Variants in SYN3 observed in about 807,000 individuals in gnomAD.
SYN3 encodes the protein synapsin-3.
In SYN3, 35 loss-of-function variants were observed where a neutral mutation model predicts 65.8. That is an observed-to-expected ratio of 0.53 (90% CI 0.41 to 0.70). The LOEUF (loss-of-function observed/expected upper bound fraction) is 0.70. Ranked by LOEUF, SYN3 falls within the 30% of genes least tolerant of loss-of-function variation. The pLI, the probability that SYN3 is intolerant of heterozygous loss-of-function variation, is 0.00. For synonymous variants in SYN3, 270 were observed against 292.9 expected, an observed-to-expected ratio of 0.92 and a Z score of 0.80; for missense variants, 680 against 749.0, an observed-to-expected ratio of 0.91 and a Z score of 1.08.
At chr22:32,538,960 G>C (rs551389293) in intron 8 of SYN3, among the ~76,000 whole-genome samples, 2 of 152,252 alleles carry the variant, frequency 1.3e-5, no homozygotes, top group East Asian at 3.9e-4. Flanking sequence ...TAGGTGCCCA[G>C]TAGGCACCTA....
At chr22:32,534,798 C>A (rs2058136370) in intron 9 of SYN3, among the ~76,000 whole-genome samples, 1 of 152,138 alleles carries the variant, frequency 6.6e-6, no homozygotes, top group Non-Finnish European at 1.5e-5. Context: ...CTGGAATGCT[C>A]TTAGAATGGA....
At chr22:33,057,177 C>T (rs780536252) in intron 1 of SYN3, among the ~76,000 whole-genome samples, 7 of 152,174 alleles carry the variant, frequency 4.6e-5, no homozygotes, top group Admixed American at 1.3e-4. Context: ...TCTGATGCTC[C>T]GGCCTCCATC....
chr22:32,957,008 G>A (rs1458562896), intron 3 of SYN3, among the ~76,000 whole-genome samples: 1 of 152,148 alleles, frequency 6.6e-6, no homozygotes, highest in African/African-American at 2.4e-5. Context: ...GAGTAAGCCA[G>A]GAAAATAGGG....
intron 1 of SYN3, among the ~76,000 whole-genome samples, chr22:33,008,416 T>C (rs2053252946): frequency 6.6e-6 from 1 of 152,378 alleles, no homozygotes; most frequent in East Asian, 1.9e-4. Flanking sequence ...AATACTCTTC[T>C]GATGCATGTC....
At chr22:32,642,919 G>C (rs2146895009) in intron 6 of SYN3, among the ~76,000 whole-genome samples, 1 of 152,242 alleles carries the variant, frequency 6.6e-6, no homozygotes, top group South Asian at 2.1e-4. Flanking sequence ...CTCAATATAT[G>C]ATGAGTTATT....
intron 6 of SYN3, among the ~76,000 whole-genome samples, chr22:32,681,513 T>G (rs1203511966): frequency 6.6e-6 from 1 of 152,234 alleles, no homozygotes; most frequent in African/African-American, 2.4e-5. Context: ...ATTTACCATA[T>G]GAGAAAACCA....
chr22:32,780,959 T>TCCCTTCCTTCCTTCCC (rs2046036634), intron 6 of SYN3, among the ~76,000 whole-genome samples: 2 of 83,820 alleles, frequency 2.4e-5, no homozygotes, highest in Non-Finnish European at 5.3e-5. Context: ...CCTTCCTTCC[T>TCCCTTCCTTCCTTCCC]TCCTTCCTTC....
chr22:32,982,421 T>A lies in SYN3; in HGVS notation c.312-1719A>T, dbSNP rs140598743. 2.3e-3 allele frequency among the ~76,000 whole-genome samples: 350 copies of A among 152,150 alleles called. 1 individual carries two copies. The highest frequency in any genetic ancestry group is 4.4e-3 in the South Asian group (21 of 4,810). ...CCATCATCAGTACATGACATCCCTATCTACCCATTGTTTAGACATCATCCC... is the reference window on the plus strand; with the variant it reads ...CCATCATCAGTACATGACATCCCTAACTACCCATTGTTTAGACATCATCCC... On this transcript the variant is annotated intron_variant, in intron 2 of 13. Transcript: ENST00000358763.
chr22:32,946,003 T>C (rs998432455), intron 3 of SYN3, among the ~76,000 whole-genome samples: 100 of 152,260 alleles, frequency 6.6e-4, no homozygotes, highest in African/African-American at 2.3e-3. Flanking sequence ...TACCATCTCA[T>C]ACCAGTTAGA....
chr22:32,636,401 C>CAAAA (rs57388108), intron 6 of SYN3, among the ~76,000 whole-genome samples: 2 of 101,666 alleles, frequency 2.0e-5, no homozygotes, highest in Non-Finnish European at 4.5e-5. Flanking sequence ...GACTCCATCT[C>CAAAA]AAAAAAAAAA....
chr22:32,610,289 C>A (rs1278461136), intron 6 of SYN3, among the ~76,000 whole-genome samples: 7 of 151,858 alleles, frequency 4.6e-5, no homozygotes, highest in Admixed American at 2.6e-4. Context: ...CCCCTGCCCC[C>A]CCCAAAAAAA....
chr22:32,730,761 C>T (rs879511258), intron 6 of SYN3, among the ~76,000 whole-genome samples: 1 of 152,182 alleles, frequency 6.6e-6, no homozygotes, highest in Non-Finnish European at 1.5e-5. Context: ...AGAACTAATA[C>T]AGATCTCAAA....
intron 6 of SYN3, among the ~76,000 whole-genome samples, chr22:32,688,333 G>A (rs561273183): frequency 6.6e-6 from 1 of 152,284 alleles, no homozygotes; most frequent in Admixed American, 6.5e-5. Context: ...TCTACTGGCT[G>A]GGTGAACAGT....
chr22:32,813,466 T>C (rs1249996617), intron 6 of SYN3, among the ~76,000 whole-genome samples: 1 of 147,580 alleles, frequency 6.8e-6, no homozygotes. Flanking sequence ...AAATTTTTAA[T>C]GTAACATCTT....
rs868397130 is a variant in SYN3 at position 32,643,563 on chromosome 22, G to C, written c.712-46827C>G. ...ATTAGAAATGGTGGGGGGGCGGGGGGGGCAGAACAGACCCATAAAGGAAAA... is the reference window on the plus strand; with the variant it reads ...ATTAGAAATGGTGGGGGGGCGGGGGCGGCAGAACAGACCCATAAAGGAAAA... On this transcript the variant is annotated intron_variant, in intron 6 of 13. Transcript: ENST00000358763. Among the ~76,000 whole-genome samples, 3 of 112,362 alleles carry C rather than the reference G, an allele frequency of 2.7e-5. 1 individual carries two copies. The highest frequency in any genetic ancestry group is 5.5e-5 in the Non-Finnish European group (3 of 54,746). The allele number at this position is 112,362 out of a possible 152,430, so 73.7% of individuals were successfully genotyped here. A position where few individuals can be genotyped will look rare whatever the true frequency, so the allele number is the denominator to read the frequency against.
chr22:32,722,534 T>G (rs910371598), intron 6 of SYN3, among the ~76,000 whole-genome samples: 1 of 152,234 alleles, frequency 6.6e-6, no homozygotes, highest in Middle Eastern at 3.4e-3. Context: ...AGAGTTCTGT[T>G]TGGGTGGATT....
In SYN3 at chr22:32,666,849, C is replaced by T. The variant is rs1201639548; in HGVS notation, c.712-70113G>A. Among the ~76,000 whole-genome samples the T allele has an allele frequency of 7.2e-5, 11 of 152,260 alleles. 1 individual carries two copies. The highest frequency in any genetic ancestry group is 2.1e-4 in the South Asian group (1 of 4,820). ...TTGCGGTGGGCTGTGGTCTAGGTAA[C>T]GTGATGGCCAAGGATTTACCAAGGA... On this transcript the variant is annotated intron_variant, in intron 6 of 13. Coordinates refer to ENST00000358763, the MANE Select transcript of SYN3 (RefSeq NM_003490.4).
At chr22:32,710,109 G>A (rs201068329) in intron 6 of SYN3, among the ~76,000 whole-genome samples, 34 of 91,802 alleles carry the variant, frequency 3.7e-4, no homozygotes, top group African/African-American at 1.3e-3. Context: ...ATGTGTGTGT[G>A]TATGTGTGTG....
chr22:32,907,691 T>C (rs1438504823), intron 4 of SYN3, among the ~76,000 whole-genome samples: 1 of 152,190 alleles, frequency 6.6e-6, no homozygotes, highest in Non-Finnish European at 1.5e-5. Flanking sequence ...TAAATAGTTT[T>C]ATTAGAGGGA....
Sources: gnomAD v4.1 joint callset for allele counts (sites outside exome capture counted in the v4.1 genomes callset) on GRCh38, gnomAD v4.1.1 for gene constraint, MANE v1.5 for transcripts, NCBI Gene and HGNC (gene_info 2026-07-23, HGNC 2026-07-21) for gene names.